PRSS22: variants seen among roughly 807,000 people sequenced by gnomAD.
The protein encoded by PRSS22 is serine protease 22.
In PRSS22, 26 loss-of-function variants were observed where a neutral mutation model predicts 28.0. The observed-to-expected ratio is 0.93, with a 90% CI of 0.68 to 1.29. The LOEUF (loss-of-function observed/expected upper bound fraction) is 1.29. Among genes scored for constraint, PRSS22 ranks in the 50% most tolerant of loss-of-function variants. PRSS22 has a pLI of 0.00. For synonymous variants in PRSS22, 217 were observed against 177.9 expected (o/e 1.22, Z -1.75); for missense variants, 444 against 422.1 (o/e 1.05, Z -0.46).
chr16:2,853,969 A>G lies in PRSS22; in HGVS notation c.613T>C (p.Ser205Pro). The G allele has an allele frequency of 6.2e-7, 1 of 1,614,158 alleles. No individual in the cohort carries two copies. Among genetic ancestry groups the G allele is most frequent in the South Asian group, 1.1e-5 (1 of 91,084 alleles). ...LQKLKVPIID[S>P]EVCSHLYWRG... The stretch of plus-strand genomic sequence containing the variant: ...CAGTACAGATGGCTGCAGACTTCCG[A>G]GTCGATGATAGGAACCTTCAGCTTC... Residue 205 changes from serine to proline, a missense_variant, in exon 5 of 6, where the codon TCG becomes CCG. Coordinates refer to ENST00000161006, the MANE Select transcript of PRSS22 (RefSeq NM_022119.4). This position sits in a 1 kb window ranked among gnomAD's most constrained non-coding sequence, Gnocchi z 4.6.
chr16:2,853,978 T>C lies in PRSS22; in HGVS notation c.604A>G (p.Ile202Val), dbSNP rs572062894. The change falls in exon 5 of 6, where the codon ATC becomes GTC. Residue 202 changes from isoleucine (I) to valine (V), a missense_variant. Ile to Val is a conservative substitution (Grantham distance 29). Coordinates refer to ENST00000161006, the MANE Select transcript of PRSS22 (RefSeq NM_022119.4). This position sits in a 1 kb window ranked among gnomAD's most constrained non-coding sequence, Gnocchi z 4.6. Reference sequence around the variant, plus strand: ...TGGCTGCAGACTTCCGAGTCGATGATAGGAACCTTCAGCTTCTGCAGGGTC... The same window carrying C: ...TGGCTGCAGACTTCCGAGTCGATGACAGGAACCTTCAGCTTCTGCAGGGTC... ...PQTLQKLKVP[I>V]IDSEVCSHLY... The C allele has an allele frequency of 1.2e-6, 2 of 1,614,198 alleles. No individual in the cohort carries two copies. The highest frequency in any genetic ancestry group is 2.2e-5 in the East Asian group (1 of 44,878).
chr16:2,853,045 T>TCC lies in PRSS22; in HGVS notation c.*47_*48insGG. ...AGGCCGCCGCAGATCCAGATCCAGATGTGGATCTGGCCGCCTTTCAGATCC... is the reference window on the plus strand; with the variant it reads ...AGGCCGCCGCAGATCCAGATCCAGATCCGTGGATCTGGCCGCCTTTCAGATCC... On this transcript the variant is annotated 3_prime_UTR_variant, in exon 6 of 6. Coordinates refer to ENST00000161006, the MANE Select transcript of PRSS22 (RefSeq NM_022119.4). This position sits in a 1 kb window ranked among gnomAD's most constrained non-coding sequence, Gnocchi z 4.6. 1 of 1,297,248 alleles carries TCC rather than the reference T, an allele frequency of 7.7e-7. No homozygotes were observed. Among genetic ancestry groups the TCC allele is most frequent in the Non-Finnish European group, 1.0e-6 (1 of 954,202 alleles). The allele number at this position is 1,297,248 out of a possible 1,614,324, so 80.4% of individuals were successfully genotyped here. A position where few individuals can be genotyped will look rare whatever the true frequency, so the allele number is the denominator to read the frequency against.
At chr16:2,854,908 G>C (rs2069440325) in intron 4 of PRSS22, among the ~76,000 whole-genome samples, 2 of 152,150 alleles carry the variant, frequency 1.3e-5, no homozygotes, top group African/African-American at 4.8e-5. Context: ...GGGGGTGCCT[G>C]TTCCCACTCT....
chr16:2,856,354 G>T, intron 2 of PRSS22, 101 bp from the exon 3 acceptor site: 1 of 1,247,928 alleles, frequency 8.0e-7, no homozygotes, highest in Non-Finnish European at 1.1e-6. Flanking sequence ...CACAGCCCAA[G>T]CTCCGTTCAT....
chr16:2,855,988 G>A, intron 3 of PRSS22, 94 bp downstream of exon 3: 1 of 1,528,368 alleles, frequency 6.5e-7, no homozygotes, highest in Non-Finnish European at 8.8e-7. Flanking sequence ...ATTGAACAGA[G>A]GCCCGGAAGC....
chr16:2,858,042 C>G lies in PRSS22; in HGVS notation c.63G>C (p.Leu21=). ...GGGCLGTFTS[L]LLLASTAILN... ...ACGTACCTGTCGACGCCAGCAGCAG[C>G]AGGGAGGTGAAGGTGCCGAGACAGC... Residue 21 remains leucine, a synonymous_variant, in exon 1 of 6, where the codon CTG becomes CTC. Coordinates refer to ENST00000161006, the MANE Select transcript of PRSS22 (RefSeq NM_022119.4). 1 of 1,282,534 alleles carries G rather than the reference C, an allele frequency of 7.8e-7. No individual in the cohort carries two copies. Among genetic ancestry groups the G allele is most frequent in the African/African-American group, 1.5e-5 (1 of 65,092 alleles). The allele number at this position is 1,282,534 out of a possible 1,614,324, so 79.4% of individuals were successfully genotyped here. A position where few individuals can be genotyped will look rare whatever the true frequency, so the allele number is the denominator to read the frequency against.
At position 2,853,339 on chromosome 16, in the gene PRSS22, G is replaced by A. The variant is rs776532397; in HGVS notation, c.718-10C>T. The A allele has an allele frequency of 2.5e-6, 4 of 1,589,898 alleles. No individual in the cohort carries two copies. Among genetic ancestry groups the A allele is most frequent in the African/African-American group, 1.3e-5 (1 of 74,942 alleles). On this transcript the variant is annotated splice_polypyrimidine_tract_variant and intron_variant, in intron 5 of 5. Transcript: ENST00000161006. This position sits in a 1 kb window ranked among gnomAD's most constrained non-coding sequence, Gnocchi z 4.6. ...GGCCCCCGGAGTCGCCCTGCAGAGA[G>A]GAGGCGAGGTTAGGAACCCCCGTGG...
intron 1 of PRSS22, 127 bp downstream of exon 1, chr16:2,857,896 G>T (rs1291394831): frequency 3.1e-6 from 2 of 645,984 alleles, no homozygotes; most frequent in African/African-American, 1.9e-5. Flanking sequence ...TAAGGAGCAA[G>T]AGATAAACAG....
At position 2,858,156 on chromosome 16, in the gene PRSS22, C is replaced by CG. The variant is rs1225985597; in HGVS notation, c.-53dup. 1.8e-5 allele frequency: 23 copies of CG among 1,247,470 alleles called. No homozygotes were observed. The highest frequency in any genetic ancestry group is 4.7e-5 in the African/African-American group (3 of 64,512). The allele number at this position is 1,247,470 out of a possible 1,614,324, so 77.3% of individuals were successfully genotyped here. A position where few individuals can be genotyped will look rare whatever the true frequency, so the allele number is the denominator to read the frequency against. On this transcript the variant is annotated 5_prime_UTR_variant, in exon 1 of 6. Coordinates refer to ENST00000161006, the MANE Select transcript of PRSS22 (RefSeq NM_022119.4). Reference sequence around the variant, plus strand: ...CAGGCTCGAGAGACCCAGGGCGATGCGGGTCAGGGTGTGTAGGTTCCCTGC... The same window carrying CG: ...CAGGCTCGAGAGACCCAGGGCGATGCGGGGTCAGGGTGTGTAGGTTCCCTGC...
intron 2 of PRSS22, 32 bp downstream of exon 2, chr16:2,856,790 T>G (rs1261426674): frequency 6.4e-7 from 1 of 1,551,262 alleles, no homozygotes; most frequent in Admixed American, 2.0e-5. Context: ...TCCTCCCTTC[T>G]CCCTCCCGTC....
chr16:2,856,759 G>C (rs1457370787), intron 2 of PRSS22, 63 bp downstream of exon 2: 2 of 1,539,222 alleles, frequency 1.3e-6, no homozygotes, highest in Non-Finnish European at 1.8e-6. Context: ...CGGACACATA[G>C]ACACTGCCTG....
rs57392867 is a variant in PRSS22 at position 2,852,839 on chromosome 16, C to CG, written c.*253dup. ...TTATATACACAAAAGCGCTGGGGCC[C>CG]GGGGCGGGGCCGGAAGTCGTGGGGG... On this transcript the variant is annotated 3_prime_UTR_variant, in exon 6 of 6. Transcript: ENST00000161006. The CG allele has an allele frequency of 1, 509,132 of 509,226 alleles. 254,519 individuals are homozygous for CG. The highest frequency in any genetic ancestry group is 1 in the Middle Eastern group (1,968 of 1,968). The allele number at this position is 509,226 out of a possible 1,614,324, so 31.5% of individuals were successfully genotyped here. A position where few individuals can be genotyped will look rare whatever the true frequency, so the allele number is the denominator to read the frequency against.
intron 1 of PRSS22, 25 bp downstream of exon 1, chr16:2,857,998 A>G: frequency 7.9e-7 from 1 of 1,263,588 alleles, no homozygotes; most frequent in Non-Finnish European, 1.0e-6. Flanking sequence ...GAGAGGGAGG[A>G]GGGAGGAGCA....
Position 2,856,194 on chromosome 16 carries a change from T to C in PRSS22, c.169A>G (p.Thr57Ala), listed in dbSNP as rs1373865969. The change falls in exon 3 of 6, where the codon ACT (threonine) becomes GCT (alanine). Residue 57 changes from threonine to alanine, a missense_variant. Transcript: ENST00000161006. ...ACGATCCAGGGCCACTCGCTGTCAGTGCTGTCCTCGCCGCCCACAACCCGG... is the reference window on the plus strand; with the variant it reads ...ACGATCCAGGGCCACTCGCTGTCAGCGCTGTCCTCGCCGCCCACAACCCGG... ...LNRVVGGEDS[T>A]DSEWPWIVSI... The C allele has an allele frequency of 6.2e-7, 1 of 1,613,836 alleles. No individual in the cohort carries two copies. Among genetic ancestry groups the C allele is most frequent in the Non-Finnish European group, 8.5e-7 (1 of 1,179,950 alleles).
chr16:2,853,001 C>T lies in PRSS22; in HGVS notation c.*92G>A. The T allele has an allele frequency of 9.4e-6, 8 of 849,838 alleles. No homozygotes were observed. Among genetic ancestry groups the T allele is most frequent in the South Asian group, 1.8e-5 (1 of 54,958 alleles). 52.6% of individuals were successfully genotyped at this position (849,838 alleles called of 1,614,324 possible). A position where few individuals can be genotyped will look rare whatever the true frequency, so the allele number is the denominator to read the frequency against. On this transcript the variant is annotated 3_prime_UTR_variant, in exon 6 of 6. Transcript: ENST00000161006. This position sits in a 1 kb window ranked among gnomAD's most constrained non-coding sequence, Gnocchi z 4.6. ...AGGTAGAGGTAGATGAGCCTATTTA[C>T]GGCGGGGGAAACCGCCCGAGGCCGC... is the stretch of plus-strand genomic sequence containing the variant.
chr16:2,857,020 G>A (rs2069464539), intron 1 of PRSS22, 172 bp from the exon 2 acceptor site: 1 of 736,636 alleles, frequency 1.4e-6, no homozygotes, highest in Non-Finnish European at 2.3e-6. Context: ...AGCGCCCAGT[G>A]AGGAGGGGTC....
In PRSS22 at chr16:2,853,927, C is replaced by G; in HGVS notation, c.655G>C (p.Gly219Arg). The change falls in exon 5 of 6, where the codon GGA (glycine) becomes CGA (arginine). Residue 219 changes from glycine to arginine, a missense_variant. Physicochemically the swap from Gly to Arg is moderately radical, Grantham distance 125. Transcript: ENST00000161006. The surrounding 1 kb of genome is among the most constrained non-coding windows in gnomAD (Gnocchi z 4.6). ...SHLYWRGAGQ[G>R]PITEDMLCAG... ...CACAGCATGTCCTCAGTGATGGGTC[C>G]CTGTCCTGCTCCCCGCCAGTACAGA... 1 of 1,614,208 alleles carries G rather than the reference C, an allele frequency of 6.2e-7. No individual in the cohort carries two copies. Among genetic ancestry groups the G allele is most frequent in the Non-Finnish European group, 8.5e-7 (1 of 1,180,038 alleles).
rs761668312 is a variant in PRSS22, at chr16:2,855,788, G to C, written c.345C>G (p.Gly115=). ...LLGAWQLGNP[G]SRSQKVGVAW... The stretch of plus-strand genomic sequence containing the variant: ...CAACACCCACCTTCTGGGACCGAGA[G>C]CCAGGGTTCCCCAGCTGCCAGGCCC... The change falls in exon 4 of 6, where the codon GGC becomes GGG. Residue 115 remains glycine, a synonymous_variant. Coordinates refer to ENST00000161006, the MANE Select transcript of PRSS22 (RefSeq NM_022119.4). 6.2e-7 allele frequency: 1 copy of C among 1,613,998 alleles called. No homozygotes were observed. Among genetic ancestry groups the C allele is most frequent in the Non-Finnish European group, 8.5e-7 (1 of 1,180,016 alleles).
chr16:2,854,264 A>T, intron 4 of PRSS22: 1 of 486,736 alleles, frequency 2.1e-6, no homozygotes, highest in Admixed American at 3.3e-5. Context: ...AAATTTTCTT[A>T]TATCCACAGA....
Sources: gnomAD v4.1 joint callset for allele counts (sites outside exome capture counted in the v4.1 genomes callset) on GRCh38, gnomAD v4.1.1 for gene constraint, Gnocchi (gnomAD v3.1) non-coding constraint, MANE v1.5 for transcripts, NCBI Gene and HGNC (gene_info 2026-07-23, HGNC 2026-07-21) for gene names.